The following DLC1 variants were observed in gnomAD, a reference collection of about 807,000 sequenced individuals.
The protein encoded by DLC1 is rho GTPase-activating protein 7.
In DLC1, 54 loss-of-function variants were observed where a neutral mutation model predicts 140.3. The observed-to-expected ratio is 0.38, with a 90% confidence interval of 0.31 to 0.48. The LOEUF is 0.48. Ranked by LOEUF, DLC1 falls within the 20% of genes least tolerant of loss-of-function variation. DLC1 has a pLI of 0.96. For missense variants in DLC1, 2,536 were observed against 1,907.0 expected (o/e 1.33, Z -6.14); for synonymous variants, 986 against 728.1 (o/e 1.35, Z -5.70).
At chr8:13,568,756 G>T (rs1804543743) in intron 1 of DLC1, among the ~76,000 whole-genome samples, 1 of 152,168 alleles carries the variant, frequency 6.6e-6, no homozygotes, top group Non-Finnish European at 1.5e-5. Context: ...TTTAAAGAAG[G>T]ATAGTTGTCT....
intron 5 of DLC1, among the ~76,000 whole-genome samples, chr8:13,191,105 T>C (rs1306482218): frequency 6.6e-6 from 1 of 152,220 alleles, no homozygotes; most frequent in South Asian, 2.1e-4. Context: ...AGAAAGGAAA[T>C]TACAAATGAC....
intron 5 of DLC1, among the ~76,000 whole-genome samples, chr8:13,145,046 A>G (rs1431754298): frequency 6.6e-6 from 1 of 152,204 alleles, no homozygotes; most frequent in Non-Finnish European, 1.5e-5. Context: ...GTATTTATAA[A>G]TTATAAATAC....
intron 4 of DLC1, among the ~76,000 whole-genome samples, chr8:13,356,228 T>G (rs1271373010): frequency 1.3e-5 from 2 of 152,136 alleles, no homozygotes; most frequent in Non-Finnish European, 1.5e-5. Flanking sequence ...TTTGGCCAAC[T>G]TCTATATTTC....
intron 1 of DLC1, among the ~76,000 whole-genome samples, chr8:13,602,859 T>C (rs771723287): frequency 8.6e-5 from 13 of 151,948 alleles, no homozygotes; most frequent in Non-Finnish European, 1.8e-4. Flanking sequence ...AAAGAGTTTA[T>C]TGAGATGAAA....
intron 2 of DLC1, among the ~76,000 whole-genome samples, chr8:13,459,233 T>A (rs1360062203): frequency 6.6e-6 from 1 of 152,214 alleles, no homozygotes; most frequent in Admixed American, 6.5e-5. Flanking sequence ...GTTCTGTGTT[T>A]TTCTGATTTC....
chr8:13,351,125 C>A (rs905035752), intron 4 of DLC1, among the ~76,000 whole-genome samples: 2 of 152,136 alleles, frequency 1.3e-5, no homozygotes, highest in African/African-American at 4.8e-5. Flanking sequence ...CTTCAAAATT[C>A]TTTCTAAATA....
chr8:13,466,307 A>G (rs12544957), intron 2 of DLC1, among the ~76,000 whole-genome samples: 123,832 of 152,158 alleles, frequency 0.81, 51,788 homozygotes, highest in Middle Eastern at 0.94. Context: ...TTGGCCCTGC[A>G]AGGGTGCTGC....
chr8:13,581,221 A>C (rs73563435), intron 1 of DLC1, among the ~76,000 whole-genome samples: 2,598 of 152,326 alleles, frequency 0.017, 76 homozygotes, highest in East Asian at 0.14. Flanking sequence ...AGCTAACCAC[A>C]CATTTTCTAT....
chr8:13,324,084 G>A (rs1401663975), intron 4 of DLC1, among the ~76,000 whole-genome samples: 4 of 152,184 alleles, frequency 2.6e-5, no homozygotes, highest in African/African-American at 7.2e-5. Context: ...TGACAAATCC[G>A]ACTGATTTTT....
At chr8:13,113,876 A>G (rs912449836) in intron 6 of DLC1, among the ~76,000 whole-genome samples, 3 of 152,248 alleles carry the variant, frequency 2.0e-5, no homozygotes, top group Admixed American at 2.0e-4. Flanking sequence ...ACAATTCAGA[A>G]TCCATCTTCT....
chr8:13,560,426 C>G (rs996230727), intron 1 of DLC1, among the ~76,000 whole-genome samples: 4 of 151,474 alleles, frequency 2.6e-5, no homozygotes, highest in Admixed American at 1.3e-4. Flanking sequence ...ACTCACAAGG[C>G]CCCCACAGAT....
At chr8:13,233,285 AC>A (rs1159647295) in intron 5 of DLC1, among the ~76,000 whole-genome samples, 1 of 130,268 alleles carries the variant, frequency 7.7e-6, no homozygotes, top group Non-Finnish European at 1.6e-5. Context: ...ATAGAATAAG[AC>A]TCTGTATAAA....
intron 4 of DLC1, among the ~76,000 whole-genome samples, chr8:13,391,740 A>T (rs765194828): frequency 1.3e-5 from 2 of 152,234 alleles, no homozygotes; most frequent in African/African-American, 4.8e-5. Flanking sequence ...TGAGACACTC[A>T]GTCACTGAAA....
chr8:13,502,800 G>A (rs1046754069), intron 1 of DLC1, among the ~76,000 whole-genome samples: 5 of 152,094 alleles, frequency 3.3e-5, no homozygotes, highest in African/African-American at 1.2e-4. Context: ...GTTTCATTCA[G>A]AATGAGCTCA....
intron 2 of DLC1, among the ~76,000 whole-genome samples, chr8:13,426,523 G>C (rs938973894): frequency 3.3e-5 from 5 of 152,110 alleles, no homozygotes; most frequent in Non-Finnish European, 7.3e-5. Context: ...ATGAACCTCA[G>C]TTTTAGTCTG....
chr8:13,579,648 TAAAAA>T (rs1013309164), intron 1 of DLC1, among the ~76,000 whole-genome samples: 1 of 138,180 alleles, frequency 7.2e-6, no homozygotes, highest in Non-Finnish European at 1.5e-5. Flanking sequence ...TAATATATTA[TAAAAA>T]ATATATACAC....
intron 5 of DLC1, among the ~76,000 whole-genome samples, chr8:13,218,193 A>T (rs1489866880): frequency 6.6e-6 from 1 of 152,194 alleles, no homozygotes; most frequent in Non-Finnish European, 1.5e-5. Context: ...CCACATGCAA[A>T]TTAATAAACT....
chr8:13,394,247 G>A (rs113248712), intron 3 of DLC1, among the ~76,000 whole-genome samples: 2 of 152,190 alleles, frequency 1.3e-5, no homozygotes, highest in African/African-American at 4.8e-5. Flanking sequence ...CAGGAATTAT[G>A]TCTTGTTATG....
chr8:13,564,971 T>C (rs1229343209), intron 1 of DLC1, among the ~76,000 whole-genome samples: 1 of 152,192 alleles, frequency 6.6e-6, no homozygotes, highest in Non-Finnish European at 1.5e-5. Flanking sequence ...CAACAGCCCC[T>C]GAGAGATGGC....
Sources: allele counts gnomAD v4.1 joint callset (sites outside exome capture counted in the v4.1 genomes callset), GRCh38; gene constraint gnomAD v4.1.1; transcripts MANE v1.5; gene names NCBI Gene and HGNC (gene_info 2026-07-23, HGNC 2026-07-21).